The following CHAC1 variants were observed in gnomAD, a reference collection of about 807,000 sequenced individuals.
The protein encoded by CHAC1 is glutathione-specific gamma-glutamylcyclotransferase 1.
In CHAC1, 22 loss-of-function variants were observed where a neutral mutation model predicts 22.1. That is an observed-to-expected ratio of 1.00 (90% CI 0.71 to 1.42). CHAC1 has a LOEUF of 1.42. Ranked by LOEUF, CHAC1 falls within the 40% of genes most tolerant of loss-of-function variation. The pLI, the probability that CHAC1 is intolerant of heterozygous loss-of-function variation, is 0.00. For synonymous variants in CHAC1, 145 were observed against 128.7 expected (o/e 1.13, Z -0.86); for missense variants, 272 against 299.2 (o/e 0.91, Z 0.67).
In CHAC1 at chr15:40,953,480, T is replaced by C; in HGVS notation, c.-104T>C. The C allele has an allele frequency of 4.6e-6, 7 of 1,511,070 alleles. No individual in the cohort carries two copies. The highest frequency in any genetic ancestry group is 5.3e-6 in the Non-Finnish European group (6 of 1,132,484). 93.6% of individuals were successfully genotyped at this position (1,511,070 alleles called of 1,614,324 possible). A position where few individuals can be genotyped will look rare whatever the true frequency, so the allele number is the denominator to read the frequency against. ...TCCATGGGGGGCGCTCAGCTGGAGCTACCGAGCGGTGCCAGGCCAGGTGTG... is the reference window on the plus strand; with the variant it reads ...TCCATGGGGGGCGCTCAGCTGGAGCCACCGAGCGGTGCCAGGCCAGGTGTG... On this transcript the variant is annotated 5_prime_UTR_variant, in exon 1 of 3. Transcript: ENST00000617768.
chr15:40,955,410 A>T lies in CHAC1; in HGVS notation c.305A>T (p.Glu102Val). Residue 102 changes from glutamate (E) to valine (V), a missense_variant, in exon 3 of 3, where the codon GAG (glutamate) becomes GTG (valine). Coordinates refer to ENST00000617768, the MANE Select transcript of CHAC1 (RefSeq NM_024111.6). ...GGCGTGGCATACCAAGTGCAAGGGG[A>T]GCAGGTAAGCAAGGCCCTGAAGTAC... ...TWGVAYQVQG[E>V]QVSKALKYLN... The T allele has an allele frequency of 6.2e-7, 1 of 1,613,982 alleles. No individual in the cohort carries two copies. Among genetic ancestry groups the T allele is most frequent in the Non-Finnish European group, 8.5e-7 (1 of 1,179,976 alleles).
In CHAC1 at chr15:40,953,643, C is replaced by A; in HGVS notation, c.60C>A (p.Ser20=). Residue 20 remains serine (S), a synonymous_variant, in exon 1 of 3, where the codon TCC becomes TCA. Transcript: ENST00000617768. ...CCACCTCGCAGTCCCCTACGCCGTC[C>A]GCTCAGTTCCCCCGAAACGACGGCG... The part of the protein sequence containing the change: ...TPPTSQSPTP[S]AQFPRNDGDP... 1 of 1,609,646 alleles carries A rather than the reference C, an allele frequency of 6.2e-7. No individual in the cohort carries two copies. Among genetic ancestry groups the A allele is most frequent in the Non-Finnish European group, 8.5e-7 (1 of 1,179,992 alleles).
Position 40,955,411 on chromosome 15 carries a change from G to A in CHAC1, c.306G>A (p.Glu102=). 2.5e-6 allele frequency: 4 copies of A among 1,614,070 alleles called. No homozygotes were observed. Among genetic ancestry groups the A allele is most frequent in the Non-Finnish European group, 8.5e-7 (1 of 1,179,984 alleles). Residue 102 remains glutamate (E), a synonymous_variant, in exon 3 of 3, where the codon GAG becomes GAA. Transcript: ENST00000617768. The part of the protein sequence containing the change: ...TWGVAYQVQG[E]QVSKALKYLN... The stretch of plus-strand genomic sequence containing the variant: ...GCGTGGCATACCAAGTGCAAGGGGA[G>A]CAGGTAAGCAAGGCCCTGAAGTACC...
chr15:40,955,503 C>T lies in CHAC1; in HGVS notation c.398C>T (p.Ala133Val). The change falls in exon 3 of 3, where the codon GCT (alanine) becomes GTT (valine). Residue 133 changes from alanine (A) to valine (V), a missense_variant. By Grantham distance (64) the Ala-to-Val change is moderately conservative (BLOSUM62 0). Coordinates refer to ENST00000617768, the MANE Select transcript of CHAC1 (RefSeq NM_024111.6). ...GAGGTCACCTTCTATCCCCAAGATG[C>T]TCCTGACCAACCACTGAAGGCATTG... ...TKEVTFYPQDAPDQPLKALAY... is the reference protein window; with the variant it reads ...TKEVTFYPQDVPDQPLKALAY... 6.2e-7 allele frequency: 1 copy of T among 1,614,224 alleles called. No individual in the cohort carries two copies. The highest frequency in any genetic ancestry group is 8.5e-7 in the Non-Finnish European group (1 of 1,180,036).
intron 2 of CHAC1, 89 bp downstream of exon 2, chr15:40,954,352 C>A: frequency 7.4e-7 from 1 of 1,348,904 alleles, no homozygotes; most frequent in Non-Finnish European, 1.1e-6. Context: ...TGCAGGCTAG[C>A]TCTGTCTGAT....
Position 40,955,939 on chromosome 15 carries a change from C to A in CHAC1, c.*165C>A. ...GCCTGTCTGCCAGCCTGCAGCTCTC[C>A]TGCTTGACACTGACTTACTACTTGA... is the stretch of plus-strand genomic sequence containing the variant. On this transcript the variant is annotated 3_prime_UTR_variant, in exon 3 of 3. Transcript: ENST00000617768. 1.5e-6 allele frequency: 1 copy of A among 677,146 alleles called. No homozygotes were observed. Among genetic ancestry groups the A allele is most frequent in the Non-Finnish European group, 2.4e-6 (1 of 409,698 alleles). The allele number at this position is 677,146 out of a possible 1,614,324, so 41.9% of individuals were successfully genotyped here.
chr15:40,953,478 G>A lies in CHAC1; in HGVS notation c.-106G>A, dbSNP rs11557249. 0.37 allele frequency: 550,231 copies of A among 1,498,850 alleles called. 105,373 individuals carry two copies. The highest frequency in any genetic ancestry group is 0.4 in the Non-Finnish European group (451,913 of 1,125,960). The allele number at this position is 1,498,850 out of a possible 1,614,324, so 92.8% of individuals were successfully genotyped here. On this transcript the variant is annotated 5_prime_UTR_variant, in exon 1 of 3. Transcript: ENST00000617768. ...CCTCCATGGGGGGCGCTCAGCTGGAGCTACCGAGCGGTGCCAGGCCAGGTG... is the reference window on the plus strand; with the variant it reads ...CCTCCATGGGGGGCGCTCAGCTGGAACTACCGAGCGGTGCCAGGCCAGGTG...
intron 2 of CHAC1, among the ~76,000 whole-genome samples, chr15:40,954,777 T>C (rs1757289637): frequency 6.6e-6 from 1 of 151,960 alleles, no homozygotes; most frequent in Non-Finnish European, 1.5e-5. Flanking sequence ...CTAATTTTTG[T>C]ATTTTTAGTA....
rs759041740 is a variant in CHAC1, at chr15:40,955,446, G to A, written c.341G>A (p.Arg114Gln). The change falls in exon 3 of 3, where the codon CGA becomes CAA. Residue 114 changes from arginine to glutamine, a missense_variant. Physicochemically the swap from Arg to Gln is conservative, Grantham distance 43. Transcript: ENST00000617768. ...AAGGCCCTGAAGTACCTGAATGTGC[G>A]AGAGGCAGTGCTTGGTGGCTACGAT... ...VSKALKYLNV[R>Q]EAVLGGYDTK... 8.1e-6 allele frequency: 13 copies of A among 1,614,008 alleles called. No individual in the cohort carries two copies. Among genetic ancestry groups the A allele is most frequent in the Non-Finnish European group, 9.3e-6 (11 of 1,180,002 alleles).
chr15:40,955,298 G>C, intron 2 of CHAC1, 75 bp from the exon 3 acceptor site: 1 of 1,518,242 alleles, frequency 6.6e-7, no homozygotes, highest in Non-Finnish European at 9.0e-7. Context: ...CTGGGTGGGG[G>C]TGGCATGTTA....
chr15:40,953,616 G>T lies in CHAC1; in HGVS notation c.33G>T (p.Pro11=). 2 of 1,609,930 alleles carry T rather than the reference G, an allele frequency of 1.2e-6. No homozygotes were observed. Among genetic ancestry groups the T allele is most frequent in the Non-Finnish European group, 8.5e-7 (1 of 1,179,924 alleles). ...AGGAGTCTGCAGCCCCGAACACCCC[G>T]CCCACCTCGCAGTCCCCTACGCCGT... MKQESAAPNT[P]PTSQSPTPSA... The change falls in exon 1 of 3, where the codon CCG becomes CCT. Residue 11 remains proline (P), a synonymous_variant. Coordinates refer to ENST00000617768, the MANE Select transcript of CHAC1 (RefSeq NM_024111.6).
At chr15:40,954,847 G>A (rs984081054) in intron 2 of CHAC1, among the ~76,000 whole-genome samples, 1 of 150,322 alleles carries the variant, frequency 6.7e-6, no homozygotes, top group African/African-American at 2.5e-5. Flanking sequence ...CAAGTGATCT[G>A]CCCACCCTCA....
At chr15:40,955,212 A>G (rs1476658078) in intron 2 of CHAC1, among the ~76,000 whole-genome samples, 161 bp from the exon 3 acceptor site, 1 of 152,224 alleles carries the variant, frequency 6.6e-6, no homozygotes, top group Non-Finnish European at 1.5e-5. Context: ...TTCTTAACAA[A>G]GAGAGTACAA....
Position 40,955,553 on chromosome 15 carries a change from C to G in CHAC1, c.448C>G (p.Pro150Ala). The G allele has an allele frequency of 6.2e-7, 1 of 1,614,162 alleles. No homozygotes were observed. The highest frequency in any genetic ancestry group is 1.3e-5 in the African/African-American group (1 of 75,072). Reference sequence around the variant, plus strand: ...GGCCTATGTGGCCACCCCACAGAACCCTGGTTACCTGGGCCCTGCGCCTGA... The same window carrying G: ...GGCCTATGTGGCCACCCCACAGAACGCTGGTTACCTGGGCCCTGCGCCTGA... The part of the protein sequence containing the change: ...ALAYVATPQN[P>A]GYLGPAPEEA... The change falls in exon 3 of 3, where the codon CCT becomes GCT. Residue 150 changes from proline to alanine, a missense_variant. Transcript: ENST00000617768.
chr15:40,953,867 G>A, intron 1 of CHAC1, 53 bp downstream of exon 1: 1 of 1,391,254 alleles, frequency 7.2e-7, no homozygotes, highest in South Asian at 1.3e-5. Flanking sequence ...CGGGATACTG[G>A]GCGCCAGTGC....
In CHAC1 at chr15:40,953,826, A is replaced by G. The variant is rs754663494; in HGVS notation, c.231+12A>G. 12 of 1,572,074 alleles carry G rather than the reference A, an allele frequency of 7.6e-6. No individual in the cohort carries two copies. Among genetic ancestry groups the G allele is most frequent in the South Asian group, 4.5e-5 (4 of 88,484 alleles). ...GCAGCGACAAGATGGTGAGCATCCA[A>G]CCGTGCCCAGGGGAGTGAGGGGGTT... On this transcript the variant is annotated intron_variant, in intron 1 of 2. Transcript: ENST00000617768.
chr15:40,954,130 C>A (rs1893175239), intron 1 of CHAC1, 98 bp from the exon 2 acceptor site: 1 of 1,327,040 alleles, frequency 7.5e-7, no homozygotes, highest in Non-Finnish European at 1.1e-6. Context: ...GAGTGGGGCA[C>A]TTGGAGGCCC....
At position 40,953,638 on chromosome 15, in the gene CHAC1, C is replaced by G. The variant is rs1178914281; in HGVS notation, c.55C>G (p.Pro19Ala). 7.5e-6 allele frequency: 12 copies of G among 1,609,706 alleles called. No homozygotes were observed. Among genetic ancestry groups the G allele is most frequent in the Non-Finnish European group, 9.3e-6 (11 of 1,180,008 alleles). The change falls in exon 1 of 3, where the codon CCG becomes GCG. Residue 19 changes from proline to alanine, a missense_variant. Coordinates refer to ENST00000617768, the MANE Select transcript of CHAC1 (RefSeq NM_024111.6). ...NTPPTSQSPT[P>A]SAQFPRNDGD... ...CCCGCCCACCTCGCAGTCCCCTACG[C>G]CGTCCGCTCAGTTCCCCCGAAACGA...
chr15:40,955,333 G>A lies in CHAC1; in HGVS notation c.268-40G>A, dbSNP rs375947678. ...AGGATAGGAGAGGGAGCAGCAAGGA[G>A]CTGTCATGACTGACCCCGGGTGTCC... On this transcript the variant is annotated intron_variant, in intron 2 of 2. Coordinates refer to ENST00000617768, the MANE Select transcript of CHAC1 (RefSeq NM_024111.6). 2.5e-6 allele frequency: 4 copies of A among 1,605,032 alleles called. No homozygotes were observed. The African/African-American group carries it at 5.3e-5, about 21-fold the overall frequency.
Sources: gnomAD v4.1 joint callset for allele counts (sites outside exome capture counted in the v4.1 genomes callset) on GRCh38, gnomAD v4.1.1 for gene constraint, MANE v1.5 for transcripts, NCBI Gene and HGNC (gene_info 2026-07-23, HGNC 2026-07-21) for gene names.